Variants in RP1 observed in about 807,000 individuals in gnomAD.
RP1 encodes RP1 axonemal microtubule associated, also known as oxygen-regulated protein 1.
In RP1, 16 loss-of-function variants were observed where a neutral mutation model predicts 14.8. The ratio of observed to expected loss-of-function variants is 1.08; its 90% CI spans 0.73 to 1.65. The LOEUF (loss-of-function observed/expected upper bound fraction) is 1.65, where lower values mean the gene tolerates loss of function less well. Among genes scored for constraint, RP1 ranks in the 40% most tolerant of loss-of-function variants. RP1 has a pLI of 0.00. For synonymous variants in RP1, 876 were observed against 883.6 expected, an observed-to-expected ratio of 0.99 and a Z score of 0.15; for missense variants, 2,631 against 2,535.0, an observed-to-expected ratio of 1.04 and a Z score of -0.81.
chr8:54,777,088 G>A (rs576610195), intron 23 of RP1, among the ~76,000 whole-genome samples: 6 of 152,248 alleles, frequency 3.9e-5, no homozygotes, highest in South Asian at 2.1e-4. Flanking sequence ...GTTTCTTTCC[G>A]ATAAAATGTA....
At chr8:54,619,132 T>C (rs1036159745) in intron 1 of RP1, among the ~76,000 whole-genome samples, 4 of 152,252 alleles carry the variant, frequency 2.6e-5, no homozygotes, top group Non-Finnish European at 5.9e-5. Flanking sequence ...CTGATGCACA[T>C]GTCTGCTACA....
At chr8:54,669,575 C>A (rs1807100038) in intron 7 of RP1, among the ~76,000 whole-genome samples, 1 of 152,136 alleles carries the variant, frequency 6.6e-6, no homozygotes, top group Admixed American at 6.5e-5. Context: ...GACACGTGCA[C>A]ACGTATGTTT....
chr8:54,648,728 T>C (rs1806598349), intron 3 of RP1, among the ~76,000 whole-genome samples: 1 of 152,144 alleles, frequency 6.6e-6, no homozygotes, highest in Non-Finnish European at 1.5e-5. Flanking sequence ...CCAACAATAA[T>C]ATAGTAATGA....
At chr8:54,759,109 T>C in intron 22 of RP1, 2 of 1,518,560 alleles carry the variant, frequency 1.3e-6, no homozygotes, top group South Asian at 1.2e-5. Context: ...TTCAAAAGAG[T>C]ATGCTGCACT....
chr8:54,619,559 C>T (rs1279560044), intron 1 of RP1, among the ~76,000 whole-genome samples: 1 of 152,202 alleles, frequency 6.6e-6, no homozygotes, highest in Non-Finnish European at 1.5e-5. Context: ...GCTCATTTGT[C>T]AGTCAAACTC....
chr8:54,837,239 C>T (rs1811679993), intron 24 of RP1, among the ~76,000 whole-genome samples: 1 of 152,152 alleles, frequency 6.6e-6, no homozygotes, highest in Admixed American at 6.6e-5. Flanking sequence ...TGAAAACTAG[C>T]TGGATTTAAT....
chr8:54,810,158 A>T (rs1291856010), intron 24 of RP1, among the ~76,000 whole-genome samples: 1 of 152,206 alleles, frequency 6.6e-6, no homozygotes, highest in Non-Finnish European at 1.5e-5. Flanking sequence ...ATTTGGCACC[A>T]GCATGAACTT....
intron 3 of RP1, among the ~76,000 whole-genome samples, chr8:54,637,086 T>C (rs1472578121): frequency 1.3e-5 from 2 of 152,202 alleles, no homozygotes; most frequent in East Asian, 1.9e-4. Context: ...TGTCTGGTGC[T>C]CTTCCTTCAG....
chr8:54,621,803 G>A (rs1020028600), intron 2 of RP1, among the ~76,000 whole-genome samples: 1 of 152,054 alleles, frequency 6.6e-6, no homozygotes, highest in African/African-American at 2.4e-5. Context: ...TCTTCCCTGA[G>A]CCCTGAGTTA....
In RP1 at chr8:54,629,182, C is replaced by T. The variant is rs772615863; in HGVS notation, c.5300C>T (p.Ala1767Val). ...SSENPGMCGN[A>V]DTTSVDTLLD... ...GAAAATCCTGGCATGTGTGGCAATG[C>T]AGACACCACATCAGTGGACACCCTA... Residue 1767 changes from alanine to valine, a missense_variant, in exon 4 of 4, where the codon GCA becomes GTA. Ala to Val is a moderately conservative substitution (Grantham distance 64). Coordinates refer to ENST00000220676, the MANE Select transcript of RP1 (RefSeq NM_006269.2). 156 of 1,613,976 alleles carry T rather than the reference C, an allele frequency of 9.7e-5. No individual in the cohort carries two copies. Among genetic ancestry groups the T allele is most frequent in the Non-Finnish European group, 5.9e-6 (7 of 1,179,972 alleles).
intron 7 of RP1, among the ~76,000 whole-genome samples, chr8:54,665,925 C>G (rs946448835): frequency 6.6e-6 from 1 of 152,082 alleles, no homozygotes; most frequent in African/African-American, 2.4e-5. Context: ...GGGTTTTTGC[C>G]TGCTTTCTCT....
At position 54,777,459 on chromosome 8, in the gene RP1, A is replaced by G. The variant is rs147614445; in HGVS notation, c.3452-6088A>G. 5.2e-4 allele frequency among the ~76,000 whole-genome samples: 79 copies of G among 152,348 alleles called. 1 individual carries two copies. The East Asian group carries it at 0.013, about 25-fold the overall frequency. On this transcript the variant is annotated intron_variant, in intron 23 of 28. Transcript: ENST00000637698. Reference sequence around the variant, plus strand: ...TGTTTGATGGTTGTTTTCTGGACTTAAAGTGGAGAAAATTGAGCACTGGTC... The same window carrying G: ...TGTTTGATGGTTGTTTTCTGGACTTGAAGTGGAGAAAATTGAGCACTGGTC...
At chr8:54,749,598 A>AAAGAAAAG (rs1160561802) in intron 19 of RP1, among the ~76,000 whole-genome samples, 3 of 152,150 alleles carry the variant, frequency 2.0e-5, no homozygotes, top group Admixed American at 2.0e-4. Flanking sequence ...GGAGGACATG[A>AAAGAAAAG]AAGAAAAGAT....
intron 24 of RP1, among the ~76,000 whole-genome samples, chr8:54,831,401 C>CTTTTTTTT (rs368455444): frequency 8.8e-5 from 9 of 102,692 alleles, no homozygotes; most frequent in Admixed American, 2.0e-4. Flanking sequence ...CCTATTGTTT[C>CTTTTTTTT]TTTTTTTTTT....
intron 24 of RP1, among the ~76,000 whole-genome samples, chr8:54,789,375 A>C (rs1033035757): frequency 2.0e-5 from 3 of 152,228 alleles, no homozygotes; most frequent in African/African-American, 7.2e-5. Context: ...CAATGAGCCA[A>C]GCCAATGACC....
intron 24 of RP1, among the ~76,000 whole-genome samples, chr8:54,788,520 T>A (rs1238171559): frequency 6.6e-6 from 1 of 152,148 alleles, no homozygotes; most frequent in Non-Finnish European, 1.5e-5. Context: ...GGTAACATTT[T>A]ACATTGACTT....
intron 24 of RP1, among the ~76,000 whole-genome samples, chr8:54,836,972 G>T (rs1174322668): frequency 1.3e-5 from 2 of 152,052 alleles, no homozygotes; most frequent in Non-Finnish European, 2.9e-5. Context: ...GTGTTCTGGG[G>T]GGTGCAAAGG....
rs79537268 is a variant in RP1 at position 54,596,257 on chromosome 8, G to T, written c.-12-24698G>T. Among the ~76,000 whole-genome samples, 1,219 of 152,236 alleles carry T rather than the reference G, an allele frequency of 8.0e-3. 10 individuals carry two copies. Among genetic ancestry groups the T allele is most frequent in the African/African-American group, 0.027 (1,134 of 41,542 alleles). ...TGATGGAAATGTGAAATTCCATTGT[G>T]ATTTTTGGGGTACACTTGTTACCTC... On this transcript the variant is annotated intron_variant, in intron 1 of 22. Transcript: ENST00000636932.
intron 3 of RP1, among the ~76,000 whole-genome samples, chr8:54,641,023 C>T (rs1806444552): frequency 6.8e-6 from 1 of 147,722 alleles, no homozygotes; most frequent in African/African-American, 2.5e-5. Context: ...GTAGTCACTG[C>T]TAGCTCCTCC....
Sources: allele counts gnomAD v4.1 joint callset (sites outside exome capture counted in the v4.1 genomes callset), GRCh38; gene constraint gnomAD v4.1.1; transcripts MANE v1.5; gene names NCBI Gene and HGNC (gene_info 2026-07-23, HGNC 2026-07-21).